Variants in SCNN1D observed in about 807,000 individuals in gnomAD.
SCNN1D encodes epithelial sodium channel subunit delta.
In SCNN1D, 104 loss-of-function variants were observed where a neutral mutation model predicts 87.8. That is an observed-to-expected ratio of 1.18 (90% CI 1.01 to 1.39). SCNN1D has a LOEUF of 1.39. Among genes scored for constraint, SCNN1D ranks in the 40% most tolerant of loss-of-function variants. The probability of loss-of-function intolerance (pLI) is 0.00; values close to 1 mark genes in which losing one functional copy is unlikely to be tolerated. For missense variants in SCNN1D, 1,324 were observed against 1,093.9 expected, an observed-to-expected ratio of 1.21 and a Z score of -2.97; for synonymous variants, 628 against 481.2, an observed-to-expected ratio of 1.31 and a Z score of -3.99.
At chr1:1,283,095 G>A (rs1052945358) in intron 4 of SCNN1D, among the ~76,000 whole-genome samples, 28 of 152,098 alleles carry the variant, frequency 1.8e-4, no homozygotes, top group African/African-American at 6.0e-4. Flanking sequence ...GGTGTGTGTG[G>A]TGTGGGTGTG....
chr1:1,291,326 G>C lies in SCNN1D; in HGVS notation c.2125G>C (p.Glu709Gln). 1.3e-6 allele frequency: 2 copies of C among 1,599,696 alleles called. No homozygotes were observed. Among genetic ancestry groups the C allele is most frequent in the Non-Finnish European group, 8.5e-7 (1 of 1,174,736 alleles). The change falls in exon 18 of 18, where the codon GAG becomes CAG. Residue 709 changes from glutamate to glutamine, a missense_variant. Coordinates refer to ENST00000379116, the MANE Select transcript of SCNN1D (RefSeq NM_001130413.4). ...WFGASVLSLL[E>Q]LLELLLDASA... ...TGGGGCCTCCGTCCTCTCCCTCCTG[G>C]AGCTCCTGGAGCTGCTGCTCGATGC...
Position 1,281,504 on chromosome 1 carries a change from A to G in SCNN1D, c.171A>G (p.Gly57=). The change falls in exon 3 of 18, where the codon GGA becomes GGG. Residue 57 remains glycine, a synonymous_variant. Transcript: ENST00000379116. The part of the protein sequence containing the change: ...HPTPCTGPAR[G]WPRRGGGPCG... Reference sequence around the variant, plus strand: ...CCCCCTGCACCGGGCCAGCGAGGGGATGGCCCAGAAGAGGGGGAGGACCAT... The same window carrying G: ...CCCCCTGCACCGGGCCAGCGAGGGGGTGGCCCAGAAGAGGGGGAGGACCAT... 6.5e-7 allele frequency: 1 copy of G among 1,533,514 alleles called. No individual in the cohort carries two copies. The highest frequency in any genetic ancestry group is 8.7e-7 in the Non-Finnish European group (1 of 1,145,626). 95.0% of individuals were successfully genotyped at this position (1,533,514 alleles called of 1,614,324 possible).
chr1:1,287,867 C>T, intron 11 of SCNN1D, 31 bp downstream of exon 11: 1 of 1,518,280 alleles, frequency 6.6e-7, no homozygotes, highest in Non-Finnish European at 8.9e-7. Context: ...AACCTCCGGC[C>T]CAGGCCTCCT....
At chr1:1,287,386 G>T in intron 9 of SCNN1D, 87 bp downstream of exon 9, 1 of 1,491,342 alleles carries the variant, frequency 6.7e-7, no homozygotes. Context: ...TGTATGCTGG[G>T]AGCCACCCAA....
intron 4 of SCNN1D, 21 bp from the exon 5 acceptor site, chr1:1,283,957 C>T: frequency 1.4e-6 from 2 of 1,418,758 alleles, no homozygotes; most frequent in Non-Finnish European, 1.9e-6. Flanking sequence ...GTCCCACGCC[C>T]AGCCAGCCTG....
Position 1,291,731 on chromosome 1 carries a change from T to A in SCNN1D, c.*121T>A. The A allele has an allele frequency of 1.5e-6, 1 of 683,234 alleles. No individual in the cohort carries two copies. The highest frequency in any genetic ancestry group is 2.3e-6 in the Non-Finnish European group (1 of 438,732). The allele number at this position is 683,234 out of a possible 1,614,324, so 42.3% of individuals were successfully genotyped here. Reference sequence around the variant, plus strand: ...GCCCAGGAAGCAGCACACGCGGCCGTGGGGAGGCAGGCACCGGGCATGTCG... The same window carrying A: ...GCCCAGGAAGCAGCACACGCGGCCGAGGGGAGGCAGGCACCGGGCATGTCG... On this transcript the variant is annotated 3_prime_UTR_variant, in exon 18 of 18. Coordinates refer to ENST00000379116, the MANE Select transcript of SCNN1D (RefSeq NM_001130413.4).
In SCNN1D at chr1:1,287,317, G is replaced by T. The variant is rs764896324; in HGVS notation, c.1310+18G>T. ...CAGGCCCGGTGAGTGTGGCGGGCGG[G>T]GGCCACTCCTTCCGTCCCACCCCAC... On this transcript the variant is annotated intron_variant, in intron 9 of 17. Coordinates refer to ENST00000379116, the MANE Select transcript of SCNN1D (RefSeq NM_001130413.4). 1 of 1,556,058 alleles carries T rather than the reference G, an allele frequency of 6.4e-7. No homozygotes were observed. Among genetic ancestry groups the T allele is most frequent in the South Asian group, 1.2e-5 (1 of 83,740 alleles).
Position 1,286,284 on chromosome 1 carries a change from G to A in SCNN1D, c.911+6G>A. 3 of 1,564,934 alleles carry A rather than the reference G, an allele frequency of 1.9e-6. No homozygotes were observed. Among genetic ancestry groups the A allele is most frequent in the South Asian group, 1.1e-5 (1 of 87,656 alleles). ...TGTGACGGGAACCCACGTCGGTGAG[G>A]GCCAGGGCTGTCGGCGGGAGGGGTG... On this transcript the variant is annotated splice_donor_region_variant and intron_variant, in intron 7 of 17. Coordinates refer to ENST00000379116, the MANE Select transcript of SCNN1D (RefSeq NM_001130413.4).
In SCNN1D at chr1:1,285,972, C is replaced by T. The variant is rs1161612672; in HGVS notation, c.605C>T (p.Pro202Leu). The part of the protein sequence containing the change: ...PPRPGPPSAP[P>L]PPPKEGHQEG... ...AGGCCGGGGCCACCATCAGCACCAC[C>T]ACCACCACCCAAGGAGGGGCACCAG... Residue 202 changes from proline to leucine, a missense_variant, in exon 7 of 18, where the codon CCA becomes CTA. By Grantham distance (98) the Pro-to-Leu change is moderately conservative. Transcript: ENST00000379116. 1 of 1,558,658 alleles carries T rather than the reference C, an allele frequency of 6.4e-7. No individual in the cohort carries two copies. The highest frequency in any genetic ancestry group is 8.7e-7 in the Non-Finnish European group (1 of 1,150,314).
At chr1:1,288,340 C>T (rs1640673634) in intron 12 of SCNN1D, among the ~76,000 whole-genome samples, 1 of 66,852 alleles carries the variant, frequency 1.5e-5, no homozygotes, top group Admixed American at 1.8e-4. Context: ...CGTGTCTCTG[C>T]CCCGTCCCCC....
At position 1,291,563 on chromosome 1, in the gene SCNN1D, G is replaced by A. The variant is rs754633644; in HGVS notation, c.2362G>A (p.Glu788Lys). The A allele has an allele frequency of 6.7e-5, 107 of 1,586,030 alleles. No homozygotes were observed. The highest frequency in any genetic ancestry group is 1.6e-4 in the East Asian group (7 of 44,310). ...AGGGGTTCTGGCGGGAGTCTCAGCC[G>A]AAGAGAGCTGGGCTGGGCCCCAGCC... ...LPGVLAGVSAEESWAGPQPLE... is the reference protein window; with the variant it reads ...LPGVLAGVSAKESWAGPQPLE... The change falls in exon 18 of 18, where the codon GAA (glutamate) becomes AAA (lysine). Residue 788 changes from glutamate (E) to lysine (K), a missense_variant. Coordinates refer to ENST00000379116, the MANE Select transcript of SCNN1D (RefSeq NM_001130413.4).
Position 1,291,527 on chromosome 1 carries a change from G to A in SCNN1D, c.2326G>A (p.Val776Met), listed in dbSNP as rs1316024472. ...GCCCAGCGGGCCTCATCTCCCACGG[G>A]TGATGCTTCCAGGGGTTCTGGCGGG... ...PEPSGPHLPR[V>M]MLPGVLAGVS... Residue 776 changes from valine to methionine, a missense_variant, in exon 18 of 18, where the codon GTG becomes ATG. Transcript: ENST00000379116. 5.0e-6 allele frequency: 8 copies of A among 1,606,184 alleles called. No homozygotes were observed. Among genetic ancestry groups the A allele is most frequent in the Middle Eastern group, 1.6e-4 (1 of 6,072 alleles).
chr1:1,281,932 ATC>A, intron 3 of SCNN1D: 1 of 561,102 alleles, frequency 1.8e-6, no homozygotes, highest in African/African-American at 1.9e-5. Flanking sequence ...TCCAGCCACA[ATC>A]TCTGGCAAGC....
intron 15 of SCNN1D, 37 bp from the exon 16 acceptor site, chr1:1,290,858 G>A (rs957656789): frequency 1.2e-5 from 20 of 1,604,952 alleles, no homozygotes; most frequent in Non-Finnish European, 1.6e-5. Flanking sequence ...CCGGGGGCAT[G>A]GGGGAGCCGT....
At chr1:1,288,212 T>C (rs1272097730) in intron 12 of SCNN1D, among the ~76,000 whole-genome samples, 175 bp downstream of exon 12, 7 of 145,728 alleles carry the variant, frequency 4.8e-5, no homozygotes, top group African/African-American at 1.5e-4. Context: ...CCTGTGTCTC[T>C]GCTCCGTCCC....
intron 1 of SCNN1D, chr1:1,280,869 C>T (rs1463365142): frequency 3.4e-6 from 2 of 591,196 alleles, no homozygotes; most frequent in Non-Finnish European, 6.1e-6. Flanking sequence ...CTCCACACTC[C>T]CACCCTCAGC....
Position 1,291,150 on chromosome 1 carries a change from G to C in SCNN1D, c.2052+10G>C, listed in dbSNP as rs756872882. ...GGCGCCCGTGTACTCGGTGAGCCTT[G>C]GCCCCCTGCCTGGGCTAGAGCGGGG... On this transcript the variant is annotated intron_variant, in intron 17 of 17. Transcript: ENST00000379116. 11 of 1,610,742 alleles carry C rather than the reference G, an allele frequency of 6.8e-6. 1 individual carries two copies. In the East Asian group the frequency reaches 2.5e-4, roughly 36 times the overall value.
intron 12 of SCNN1D, 69 bp downstream of exon 12, chr1:1,288,106 GAA>G: frequency 2.7e-6 from 1 of 371,690 alleles, no homozygotes; most frequent in Admixed American, 3.6e-5. Context: ...TGGGCGGGTG[GAA>G]CGGGGGAGGG....
chr1:1,291,685 C>T lies in SCNN1D; in HGVS notation c.*75C>T. 1 of 1,154,472 alleles carries T rather than the reference C, an allele frequency of 8.7e-7. No homozygotes were observed. The allele number at this position is 1,154,472 out of a possible 1,614,324, so 71.5% of individuals were successfully genotyped here. A position where few individuals can be genotyped will look rare whatever the true frequency, so the allele number is the denominator to read the frequency against. ...TGGCAGCAGCAGGCTCCCCAGCGGC[C>T]CAGGGTGGGCCAGACCAGCAGCCCA... On this transcript the variant is annotated 3_prime_UTR_variant, in exon 18 of 18. Coordinates refer to ENST00000379116, the MANE Select transcript of SCNN1D (RefSeq NM_001130413.4).
Sources: allele counts gnomAD v4.1 joint callset (sites outside exome capture counted in the v4.1 genomes callset), GRCh38; gene constraint gnomAD v4.1.1; transcripts MANE v1.5; gene names NCBI Gene and HGNC (gene_info 2026-07-23, HGNC 2026-07-21).